Variants in IL2RA observed in about 807,000 individuals in gnomAD.
IL2RA encodes interleukin-2 receptor subunit alpha.
A neutral mutation model predicts 37.8 loss-of-function variants in IL2RA; 24 were observed. The observed-to-expected ratio is 0.63, with a 90% CI of 0.46 to 0.89. IL2RA has a LOEUF of 0.89. Ranked by LOEUF, IL2RA falls within the 40% of genes least tolerant of loss-of-function variation. IL2RA has a pLI of 0.00. For missense variants in IL2RA, 319 were observed against 348.6 expected, an observed-to-expected ratio of 0.92 and a Z score of 0.68; for synonymous variants, 125 against 114.6, an observed-to-expected ratio of 1.09 and a Z score of -0.58.
intron 1 of IL2RA, among the ~76,000 whole-genome samples, chr10:6,052,173 G>C (rs1206762949): frequency 6.6e-6 from 1 of 152,052 alleles, no homozygotes; most frequent in Non-Finnish European, 1.5e-5. Context: ...CAAAATTAGT[G>C]GTGTTTGGTT....
In IL2RA at chr10:6,022,274, G is replaced by A. The variant is rs1308817110; in HGVS notation, c.368-581C>T. 6.6e-6 allele frequency among the ~76,000 whole-genome samples: 1 copy of A among 152,132 alleles called. No individual in the cohort carries two copies. Among genetic ancestry groups the A allele is most frequent in the Non-Finnish European group, 1.5e-5 (1 of 68,008 alleles). On this transcript the variant is annotated intron_variant, in intron 3 of 7. Coordinates refer to ENST00000379959, the MANE Select transcript of IL2RA (RefSeq NM_000417.3). The surrounding 1 kb of genome is among the most constrained non-coding windows in gnomAD (Gnocchi z 4.7). The stretch of plus-strand genomic sequence containing the variant: ...CGGGCTGAGGGAACCTCAGAGAAAT[G>A]GAGCACCATCTCTGATCAAGCCACA...
intron 1 of IL2RA, among the ~76,000 whole-genome samples, chr10:6,043,118 AAAG>A (rs1245500372): frequency 6.6e-6 from 1 of 152,210 alleles, no homozygotes; most frequent in Non-Finnish European, 1.5e-5. Context: ...TTGTCCATCA[AAAG>A]AAGGTTAGAT....
intron 1 of IL2RA, among the ~76,000 whole-genome samples, chr10:6,055,960 T>C (rs1840038463): frequency 6.6e-6 from 1 of 152,246 alleles, no homozygotes; most frequent in African/African-American, 2.4e-5. Flanking sequence ...AGCTGGCGTT[T>C]TGAACCATTA....
At chr10:6,062,041 T>A (rs537468520) in intron 1 of IL2RA, 47 bp downstream of exon 1, 1 of 1,457,128 alleles carries the variant, frequency 6.9e-7, no homozygotes, top group Non-Finnish European at 9.6e-7. Context: ...GGAAGAGGGA[T>A]GCCCATCAGC....
intron 7 of IL2RA, among the ~76,000 whole-genome samples, chr10:6,013,148 A>C (rs576413643): frequency 6.6e-6 from 1 of 152,308 alleles, no homozygotes; most frequent in East Asian, 1.9e-4. Flanking sequence ...TATGGCAGAC[A>C]ATAGCTGTGG....
chr10:6,020,693 CAGA>C lies in IL2RA; in HGVS notation c.584-755_584-753del, dbSNP rs1287074585. Reference sequence around the variant, plus strand: ...GATTACAGGCACCCACCACCACGCCCAGATAATTTTTGTATTTTTAGTAGAGAC... The same window carrying C: ...GATTACAGGCACCCACCACCACGCCCTAATTTTTGTATTTTTAGTAGAGAC... On this transcript the variant is annotated intron_variant, in intron 4 of 7. Transcript: ENST00000379959. This position sits in a 1 kb window ranked among gnomAD's most constrained non-coding sequence, Gnocchi z 5.6. Among the ~76,000 whole-genome samples the C allele has an allele frequency of 1.3e-5, 2 of 152,042 alleles. No individual in the cohort carries two copies. Among genetic ancestry groups the C allele is most frequent in the African/African-American group, 4.8e-5 (2 of 41,396 alleles).
At chr10:6,034,090 ACT>A (rs1417662535) in intron 1 of IL2RA, among the ~76,000 whole-genome samples, 1 of 152,000 alleles carries the variant, frequency 6.6e-6, no homozygotes, top group Non-Finnish European at 1.5e-5. Context: ...GCCCTTAGAA[ACT>A]CTTGAATTCC....
In IL2RA at chr10:6,050,552, G is replaced by A. The variant is rs377597863; in HGVS notation, c.64+11536C>T. Reference sequence around the variant, plus strand: ...CCAGCTACTGGGGAGGCTGAGGCATGAGAATCTCTTGAACCCGGGAGGCAG... The same window carrying A: ...CCAGCTACTGGGGAGGCTGAGGCATAAGAATCTCTTGAACCCGGGAGGCAG... On this transcript the variant is annotated intron_variant, in intron 1 of 7. Coordinates refer to ENST00000379959, the MANE Select transcript of IL2RA (RefSeq NM_000417.3). Among the ~76,000 whole-genome samples the A allele has an allele frequency of 8.5e-5, 13 of 152,320 alleles. No individual in the cohort carries two copies. In the East Asian group the frequency reaches 2.3e-3, roughly 27 times the overall value.
Position 6,012,852 on chromosome 10 carries a change from A to G in IL2RA, c.*20T>C, listed in dbSNP as rs2132840627. ...TCTGTTCCCGGCTTCTTACCAAGAA[A>G]TTCTTGTTCTTTTGGTTTTCTAGAT... On this transcript the variant is annotated 3_prime_UTR_variant, in exon 8 of 8. Transcript: ENST00000379959. This position sits in a 1 kb window ranked among gnomAD's most constrained non-coding sequence, Gnocchi z 4.8. 6.2e-7 allele frequency: 1 copy of G among 1,613,164 alleles called. No homozygotes were observed.
intron 1 of IL2RA, among the ~76,000 whole-genome samples, chr10:6,049,875 G>A (rs1056959429): frequency 1.3e-5 from 2 of 152,158 alleles, no homozygotes; most frequent in African/African-American, 2.4e-5. Flanking sequence ...GAAAAATTCC[G>A]GTAGGCAGAC....
chr10:6,049,812 A>G (rs973716107), intron 1 of IL2RA, among the ~76,000 whole-genome samples: 1 of 152,242 alleles, frequency 6.6e-6, no homozygotes, highest in East Asian at 1.9e-4. Flanking sequence ...CAAGCTGTCA[A>G]CTTTCCAAAT....
chr10:6,019,206 A>G (rs1387460137), intron 6 of IL2RA, among the ~76,000 whole-genome samples: 2 of 152,178 alleles, frequency 1.3e-5, no homozygotes, highest in Non-Finnish European at 2.9e-5. Context: ...TAACCTACCA[A>G]CATACAAACC....
At position 6,012,120 on chromosome 10, in the gene IL2RA, T is replaced by C. The variant is rs41290329; in HGVS notation, c.*752A>G. On this transcript the variant is annotated 3_prime_UTR_variant, in exon 8 of 8. Coordinates refer to ENST00000379959, the MANE Select transcript of IL2RA (RefSeq NM_000417.3). The surrounding 1 kb of genome is among the most constrained non-coding windows in gnomAD (Gnocchi z 4.8). ...AATTAGTAACGCACAGGTAAAACTT[T>C]GCTAAGTATGATTCTCTGCCTGGGA... is the stretch of plus-strand genomic sequence containing the variant. The C allele has an allele frequency of 7.2e-3, 1,103 of 152,628 alleles. 8 individuals are homozygous for C. The highest frequency in any genetic ancestry group is 8.2e-3 in the Non-Finnish European group (560 of 68,170). 9.5% of individuals were successfully genotyped at this position (152,628 alleles called of 1,614,324 possible). A position where few individuals can be genotyped will look rare whatever the true frequency, so the allele number is the denominator to read the frequency against.
chr10:6,062,350 G>C lies in IL2RA; in HGVS notation c.-199C>G. 2.0e-6 allele frequency: 1 copy of C among 503,090 alleles called. No individual in the cohort carries two copies. 31.2% of individuals were successfully genotyped at this position (503,090 alleles called of 1,614,324 possible). A position where few individuals can be genotyped will look rare whatever the true frequency, so the allele number is the denominator to read the frequency against. On this transcript the variant is annotated 5_prime_UTR_variant, in exon 1 of 8. Coordinates refer to ENST00000379959, the MANE Select transcript of IL2RA (RefSeq NM_000417.3). The stretch of plus-strand genomic sequence containing the variant: ...TGCTCTCTTTAAGTATTGGGCTGGC[G>C]TGTTCAGCCAGGAAACTGCCTAGCA...
Position 6,019,424 on chromosome 10 carries a change from T to G in IL2RA, c.727+4A>C. The G allele has an allele frequency of 6.2e-7, 1 of 1,605,776 alleles. No individual in the cohort carries two copies. Among genetic ancestry groups the G allele is most frequent in the South Asian group, 1.1e-5 (1 of 90,924 alleles). On this transcript the variant is annotated splice_donor_region_variant and intron_variant, in intron 6 of 7. Transcript: ENST00000379959. ...TTTGTCCACAAAGCCAGTGCCCCAC[T>G]CACCTGCTACCTGGTACTCTGTTGT...
Position 6,020,039 on chromosome 10 carries a change from C to A in IL2RA, c.584-98G>T. The A allele has an allele frequency of 3.0e-6, 3 of 1,008,018 alleles. No homozygotes were observed. The highest frequency in any genetic ancestry group is 1.3e-5 in the South Asian group (1 of 77,436). The allele number at this position is 1,008,018 out of a possible 1,614,324, so 62.4% of individuals were successfully genotyped here. A position where few individuals can be genotyped will look rare whatever the true frequency, so the allele number is the denominator to read the frequency against. ...CCAGGCAGCCGGCCCCAGACACGCCCGAGGAGGCAGGAATCCTGGTGTGGG... is the reference window on the plus strand; with the variant it reads ...CCAGGCAGCCGGCCCCAGACACGCCAGAGGAGGCAGGAATCCTGGTGTGGG... On this transcript the variant is annotated intron_variant, in intron 4 of 7. Coordinates refer to ENST00000379959, the MANE Select transcript of IL2RA (RefSeq NM_000417.3). The surrounding 1 kb of genome is among the most constrained non-coding windows in gnomAD (Gnocchi z 5.6).
rs41294699 is a variant in IL2RA, at chr10:6,028,577, A to G, written c.65-2552T>C. On this transcript the variant is annotated intron_variant, in intron 1 of 7. Transcript: ENST00000379959. The surrounding 1 kb of genome is among the most constrained non-coding windows in gnomAD (Gnocchi z 4.1). The stretch of plus-strand genomic sequence containing the variant: ...AAAATGCATTACCTTTTAAAGGACC[A>G]TAAGATAATCTAGACCCTTTATAAT... Among the ~76,000 whole-genome samples, 1,021 of 152,364 alleles carry G rather than the reference A, an allele frequency of 6.7e-3. 10 individuals are homozygous for G. Among genetic ancestry groups the G allele is most frequent in the Non-Finnish European group, 0.011 (755 of 68,036 alleles).
rs1470250880 is a variant in IL2RA, at chr10:6,033,300, CAAAG to C, written c.65-7279_65-7276del. The stretch of plus-strand genomic sequence containing the variant: ...AGTGAGACTCTGTCTCAAAAACAAA[CAAAG>C]AAACAAACAAACAACAACAAAAAAA... On this transcript the variant is annotated intron_variant, in intron 1 of 7. Coordinates refer to ENST00000379959, the MANE Select transcript of IL2RA (RefSeq NM_000417.3). The surrounding 1 kb of genome is among the most constrained non-coding windows in gnomAD (Gnocchi z 4.3). Among the ~76,000 whole-genome samples, 1 of 149,470 alleles carries C rather than the reference CAAAG, an allele frequency of 6.7e-6. No individual in the cohort carries two copies. Among genetic ancestry groups the C allele is most frequent in the Non-Finnish European group, 1.5e-5 (1 of 67,404 alleles).
At chr10:6,052,857 G>C (rs1378767313) in intron 1 of IL2RA, among the ~76,000 whole-genome samples, 1 of 151,270 alleles carries the variant, frequency 6.6e-6, no homozygotes, top group African/African-American at 2.4e-5. Context: ...GGCTGCTGGG[G>C]CAGGTGCGAC....
Sources: allele counts gnomAD v4.1 joint callset (sites outside exome capture counted in the v4.1 genomes callset), GRCh38; gene constraint gnomAD v4.1.1; non-coding constraint Gnocchi (gnomAD v3.1); transcripts MANE v1.5; gene names NCBI Gene and HGNC (gene_info 2026-07-23, HGNC 2026-07-21).